ANO4: variants seen among roughly 807,000 people sequenced by gnomAD.
ANO4 encodes the protein anoctamin 4, also known as anoctamin-4.
ANO4 carries 69 observed loss-of-function variants against 141.9 expected under a neutral mutation model. That is an observed-to-expected ratio of 0.49 (90% CI 0.40 to 0.59). ANO4 has a LOEUF of 0.59. Among genes scored for constraint, ANO4 ranks in the 20% least tolerant of loss-of-function variants. ANO4 has a pLI of 0.00. For synonymous variants in ANO4, 350 were observed against 394.3 expected (o/e 0.89, Z 1.33); for missense variants, 894 against 1,162.2 (o/e 0.77, Z 3.36).
At chr12:100,971,062 G>A (rs2043914255) in intron 5 of ANO4, among the ~76,000 whole-genome samples, 3 of 152,132 alleles carry the variant, frequency 2.0e-5, no homozygotes, top group African/African-American at 7.2e-5. Flanking sequence ...TAACATTTTT[G>A]TAGAATGTAA....
At chr12:101,097,291 A>T (rs998278732) in intron 19 of ANO4, among the ~76,000 whole-genome samples, 1 of 152,098 alleles carries the variant, frequency 6.6e-6, no homozygotes, top group African/African-American at 2.4e-5. Context: ...TAGTTCAATA[A>T]TTTTTTTAAC....
chr12:101,099,029 A>G (rs943415526), intron 21 of ANO4, among the ~76,000 whole-genome samples: 2 of 152,088 alleles, frequency 1.3e-5, no homozygotes, highest in South Asian at 2.1e-4. Context: ...AACCTTACCA[A>G]TGCCGGGTGC....
chr12:100,985,939 G>T (rs1456885590), intron 7 of ANO4, among the ~76,000 whole-genome samples: 3 of 152,200 alleles, frequency 2.0e-5, no homozygotes, highest in African/African-American at 7.2e-5. Context: ...CAGATAGCTG[G>T]TAAAACATTA....
At chr12:101,065,480 C>A (rs2048542517) in intron 14 of ANO4, among the ~76,000 whole-genome samples, 2 of 152,164 alleles carry the variant, frequency 1.3e-5, no homozygotes, top group Admixed American at 1.3e-4. Flanking sequence ...ATACTATGAG[C>A]AACTATATGC....
At chr12:100,791,680 C>A (rs2034052819), upstream of ANO4, among the ~76,000 whole-genome samples, 1 of 152,102 alleles carries the variant, frequency 6.6e-6, no homozygotes, top group Admixed American at 6.6e-5. Context: ...CTTGGGGGAC[C>A]CCCTCCTATG....
intron 1 of ANO4, among the ~76,000 whole-genome samples, chr12:100,808,867 T>C (rs114534554): frequency 0.012 from 1,842 of 152,210 alleles, 43 homozygotes; most frequent in African/African-American, 0.042. Flanking sequence ...TTGAATTTAG[T>C]AAGTGTTTTT....
chr12:101,039,542 A>C (rs1043946297), intron 10 of ANO4, among the ~76,000 whole-genome samples: 1 of 152,192 alleles, frequency 6.6e-6, no homozygotes, highest in African/African-American at 2.4e-5. Context: ...AGAAGTAGGG[A>C]AGAGAACTAA....
chr12:100,874,039 C>T lies in ANO4; in HGVS notation c.-140-27607C>T, dbSNP rs567806969. Among the ~76,000 whole-genome samples the T allele has an allele frequency of 7.9e-5, 12 of 152,304 alleles. No individual in the cohort carries two copies. The South Asian group carries it at 2.5e-3, about 32-fold the overall frequency. On this transcript the variant is annotated intron_variant, in intron 1 of 27. Coordinates refer to ENST00000392977, the MANE Select transcript of ANO4 (RefSeq NM_001286615.2). ...TGCTACGGAAGGTGCCAGCCATAAG[C>T]GTTGGTAGCTTCCACATGGTGTTAA...
chr12:100,956,133 A>G (rs1566054414), intron 5 of ANO4, among the ~76,000 whole-genome samples: 1 of 152,194 alleles, frequency 6.6e-6, no homozygotes, highest in Non-Finnish European at 1.5e-5. Context: ...TTGCAACCAA[A>G]TATCATTTAG....
chr12:100,906,206 AAG>A (rs1218719978), intron 2 of ANO4, among the ~76,000 whole-genome samples: 3 of 152,246 alleles, frequency 2.0e-5, no homozygotes, highest in African/African-American at 7.2e-5. Flanking sequence ...GGAAGTAGGA[AAG>A]AGAGAAAGGG....
At chr12:100,811,317 A>G (rs1358297433) in intron 1 of ANO4, among the ~76,000 whole-genome samples, 2 of 152,220 alleles carry the variant, frequency 1.3e-5, no homozygotes, top group African/African-American at 2.4e-5. Context: ...GCAAAGGGTT[A>G]TAAGATGTTC....
chr12:101,121,020 GA>G (rs2051067976), intron 26 of ANO4, among the ~76,000 whole-genome samples: 1 of 152,052 alleles, frequency 6.6e-6, no homozygotes, highest in Admixed American at 6.5e-5. Flanking sequence ...CCATAATTTG[GA>G]AACATTTGGA....
intron 11 of ANO4, 97 bp downstream of exon 11, chr12:101,040,173 A>G: frequency 1.4e-6 from 2 of 1,454,950 alleles, no homozygotes; most frequent in African/African-American, 1.4e-5. Flanking sequence ...AAAGAGCCTG[A>G]AGTGTACAGC....
At chr12:101,067,694 A>G (rs2048648834) in intron 14 of ANO4, among the ~76,000 whole-genome samples, 1 of 152,118 alleles carries the variant, frequency 6.6e-6, no homozygotes, top group Non-Finnish European at 1.5e-5. Flanking sequence ...CAAAAACAAA[A>G]AAGTGCTCAA....
chr12:100,744,189 C>T (rs1328521834), intron 3 of ANO4, among the ~76,000 whole-genome samples: 3 of 152,126 alleles, frequency 2.0e-5, no homozygotes, highest in South Asian at 2.1e-4. Context: ...TTATATATCC[C>T]GAATGGAACT....
chr12:101,012,400 G>A (rs1431074261), intron 8 of ANO4, among the ~76,000 whole-genome samples: 1 of 152,144 alleles, frequency 6.6e-6, no homozygotes, highest in East Asian at 1.9e-4. Flanking sequence ...TATTGGGGCA[G>A]GAGAGTGACT....
chr12:101,034,954 A>G (rs2047134370), intron 9 of ANO4, among the ~76,000 whole-genome samples: 1 of 152,208 alleles, frequency 6.6e-6, no homozygotes, highest in South Asian at 2.1e-4. Context: ...ATGGAAATGT[A>G]AAATTGTACA....
intron 8 of ANO4, among the ~76,000 whole-genome samples, chr12:101,007,095 G>A (rs1168694542): frequency 1.3e-5 from 2 of 152,198 alleles, no homozygotes; most frequent in African/African-American, 4.8e-5. Flanking sequence ...GTTCATGACT[G>A]TAATCCCAGC....
intron 1 of ANO4, among the ~76,000 whole-genome samples, chr12:100,808,508 C>T (rs921053845): frequency 3.9e-5 from 6 of 152,154 alleles, no homozygotes; most frequent in Non-Finnish European, 7.4e-5. Context: ...ACTGACCCAA[C>T]CTGTCGTCAC....
Sources: gnomAD v4.1 joint callset for allele counts (sites outside exome capture counted in the v4.1 genomes callset) on GRCh38, gnomAD v4.1.1 for gene constraint, MANE v1.5 for transcripts, NCBI Gene and HGNC (gene_info 2026-07-23, HGNC 2026-07-21) for gene names.